Variants in PBX1 observed in about 807,000 individuals in gnomAD.
PBX1 encodes the protein pre-B-cell leukemia transcription factor 1.
PBX1 carries 6 observed loss-of-function variants against 53.4 expected under a neutral mutation model. The ratio of observed to expected loss-of-function variants is 0.11; its 90% CI spans 0.06 to 0.22. The LOEUF (loss-of-function observed/expected upper bound fraction) is 0.22, where lower values mean the gene tolerates loss of function less well. Among genes scored for constraint, PBX1 ranks in the 10% least tolerant of loss-of-function variants. The probability of loss-of-function intolerance (pLI) is 1.00; values close to 1 mark genes in which losing one functional copy is unlikely to be tolerated. For synonymous variants in PBX1, 204 were observed against 212.3 expected, an observed-to-expected ratio of 0.96 and a Z score of 0.34; for missense variants, 251 against 551.4, an observed-to-expected ratio of 0.46 and a Z score of 5.46.
At chr1:164,732,978 C>T (rs1665081820) in intron 2 of PBX1, among the ~76,000 whole-genome samples, 1 of 152,212 alleles carries the variant, frequency 6.6e-6, no homozygotes, top group Non-Finnish European at 1.5e-5. Flanking sequence ...CAGGACTCCA[C>T]AGTTGCTTAA....
At chr1:164,600,304 T>C (rs919707252) in intron 2 of PBX1, among the ~76,000 whole-genome samples, 1 of 141,910 alleles carries the variant, frequency 7.0e-6, no homozygotes, top group African/African-American at 2.6e-5. Context: ...CAGGCTGGAG[T>C]GCAGTGGCGT....
intron 2 of PBX1, among the ~76,000 whole-genome samples, chr1:164,588,344 T>C (rs1655095058): frequency 7.9e-6 from 1 of 127,038 alleles, no homozygotes; most frequent in Non-Finnish European, 1.6e-5. Flanking sequence ...TAATAGTGCT[T>C]TTTAAAAACT....
At chr1:164,583,694 G>C (rs1300367059) in intron 2 of PBX1, among the ~76,000 whole-genome samples, 2 of 152,178 alleles carry the variant, frequency 1.3e-5, no homozygotes, top group African/African-American at 4.8e-5. Flanking sequence ...TTAATTTTTA[G>C]ATACTCATTG....
At chr1:164,803,620 G>T (rs1026850939) in intron 4 of PBX1, among the ~76,000 whole-genome samples, 1 of 152,154 alleles carries the variant, frequency 6.6e-6, no homozygotes, top group Non-Finnish European at 1.5e-5. Context: ...TTTGGGGAAC[G>T]CAGAGGCATA....
intron 8 of PBX1, among the ~76,000 whole-genome samples, chr1:164,845,713 C>T (rs1042703945): frequency 2.6e-5 from 4 of 152,058 alleles, no homozygotes; most frequent in African/African-American, 4.8e-5. Context: ...TTGGGATGCT[C>T]CTGGATCTAG....
chr1:164,794,995 T>TC, intron 3 of PBX1, among the ~76,000 whole-genome samples: 1 of 152,292 alleles, frequency 6.6e-6, no homozygotes, highest in East Asian at 1.9e-4. Flanking sequence ...TTATCACTCT[T>TC]CCATCCTCAT....
At chr1:164,803,296 A>C (rs1268495335) in intron 4 of PBX1, among the ~76,000 whole-genome samples, 3 of 152,236 alleles carry the variant, frequency 2.0e-5, no homozygotes. Flanking sequence ...CAGTTCATTC[A>C]TCTACCTACT....
chr1:164,773,982 T>C (rs565968110), intron 2 of PBX1, among the ~76,000 whole-genome samples: 9 of 152,216 alleles, frequency 5.9e-5, no homozygotes, highest in Non-Finnish European at 1.2e-4. Flanking sequence ...ATATCCACTT[T>C]GAATTCTTTG....
intron 8 of PBX1, chr1:164,829,839 A>G (rs1670664388): frequency 6.6e-6 from 1 of 152,170 alleles, no homozygotes; most frequent in South Asian, 2.1e-4. Context: ...GGTATCAACT[A>G]AGTACCGTTA....
intron 8 of PBX1, among the ~76,000 whole-genome samples, chr1:164,822,207 G>A (rs1007368621): frequency 6.6e-6 from 1 of 151,946 alleles, no homozygotes; most frequent in South Asian, 2.1e-4. Flanking sequence ...GAGTGAAATC[G>A]ATCAGACAGA....
chr1:164,599,221 T>G (rs897033512), intron 2 of PBX1, among the ~76,000 whole-genome samples: 2 of 151,964 alleles, frequency 1.3e-5, no homozygotes, highest in African/African-American at 4.8e-5. Flanking sequence ...CTCCAGTTCT[T>G]TCTAAATTGT....
intron 2 of PBX1, among the ~76,000 whole-genome samples, chr1:164,699,955 T>A (rs1663017633): frequency 6.6e-6 from 1 of 152,104 alleles, no homozygotes; most frequent in Admixed American, 6.5e-5. Context: ...TTAAATGTGA[T>A]GGATAGAGAA....
At chr1:164,749,806 G>C (rs985233136) in intron 2 of PBX1, among the ~76,000 whole-genome samples, 1 of 152,174 alleles carries the variant, frequency 6.6e-6, no homozygotes, top group African/African-American at 2.4e-5. Context: ...CACCCTGTCT[G>C]ATGGTGATTA....
chr1:164,750,370 A>C (rs990754515), intron 2 of PBX1, among the ~76,000 whole-genome samples: 1 of 152,212 alleles, frequency 6.6e-6, no homozygotes, highest in African/African-American at 2.4e-5. Context: ...GGCTACTGTC[A>C]AAATAACACA....
intron 2 of PBX1, among the ~76,000 whole-genome samples, chr1:164,860,527 C>T (rs1175668346): frequency 6.6e-6 from 1 of 152,026 alleles, no homozygotes; most frequent in Non-Finnish European, 1.5e-5. Context: ...TTCTTTTTGC[C>T]TTTTTACCTT....
At chr1:164,653,849 AACTT>A (rs1659986432) in intron 2 of PBX1, among the ~76,000 whole-genome samples, 1 of 152,092 alleles carries the variant, frequency 6.6e-6, no homozygotes, top group Admixed American at 6.6e-5. Context: ...AATGGCTTGG[AACTT>A]ACTTGTTTCT....
intron 2 of PBX1, among the ~76,000 whole-genome samples, chr1:164,885,684 C>T (rs1292724226): frequency 6.6e-6 from 1 of 152,134 alleles, no homozygotes; most frequent in Non-Finnish European, 1.5e-5. Context: ...ATAATACCTA[C>T]CTCAGGGTCT....
chr1:164,821,478 C>A, intron 7 of PBX1, 59 bp from the exon 8 acceptor site: 1 of 1,281,038 alleles, frequency 7.8e-7, no homozygotes, highest in Non-Finnish European at 1.1e-6. Flanking sequence ...TGATGATCTG[C>A]CTCCCTTTTC....
chr1:164,633,751 C>G (rs1182161941), intron 2 of PBX1, among the ~76,000 whole-genome samples: 4 of 152,156 alleles, frequency 2.6e-5, no homozygotes, highest in Non-Finnish European at 5.9e-5. Context: ...CATTATTTAA[C>G]CTCTCTTTGC....
Sources: allele counts gnomAD v4.1 joint callset (sites outside exome capture counted in the v4.1 genomes callset), GRCh38; gene constraint gnomAD v4.1.1; transcripts MANE v1.5; gene names NCBI Gene and HGNC (gene_info 2026-07-23, HGNC 2026-07-21).